The following TRAPPC9 variants were observed in gnomAD, a reference collection of about 807,000 sequenced individuals.
TRAPPC9 encodes trafficking protein particle complex subunit 9.
TRAPPC9 carries 83 observed loss-of-function variants against 124.0 expected under a neutral mutation model. The ratio of observed to expected loss-of-function variants is 0.67; its 90% CI spans 0.56 to 0.80. The LOEUF is 0.80. Ranked by LOEUF, TRAPPC9 falls within the 30% of genes least tolerant of loss-of-function variation. TRAPPC9 has a pLI of 0.00. For synonymous variants in TRAPPC9, 638 were observed against 617.5 expected, an observed-to-expected ratio of 1.03 and a Z score of -0.49; for missense variants, 1,302 against 1,508.3, an observed-to-expected ratio of 0.86 and a Z score of 2.27.
Position 140,308,654 on chromosome 8 carries a change from G to A in TRAPPC9, c.1622+2594C>T, listed in dbSNP as rs538965938. 2.6e-3 allele frequency among the ~76,000 whole-genome samples: 402 copies of A among 152,210 alleles called. 3 individuals carry two copies. Among genetic ancestry groups the A allele is most frequent in the Admixed American group, 4.1e-3 (63 of 15,290 alleles). On this transcript the variant is annotated intron_variant, in intron 10 of 22. Coordinates refer to ENST00000438773, the MANE Select transcript of TRAPPC9 (RefSeq NM_001160372.4). ...TCCCAACACTTTGGGAGGCTGAGGC[G>A]GGCGGATCACGAGGTCAGGAGTTCG... is the stretch of plus-strand genomic sequence containing the variant.
intron 21 of TRAPPC9, among the ~76,000 whole-genome samples, chr8:139,797,657 G>A (rs1021277364): frequency 1.3e-5 from 2 of 152,180 alleles, no homozygotes; most frequent in Non-Finnish European, 1.5e-5. Flanking sequence ...TTTCTCCTAA[G>A]AGTTTTATAG....
chr8:139,982,265 G>A (rs1265530455), intron 19 of TRAPPC9, among the ~76,000 whole-genome samples: 3 of 152,200 alleles, frequency 2.0e-5, no homozygotes, highest in East Asian at 1.9e-4. Flanking sequence ...TTCTGGGAAC[G>A]CAGCCTAGGG....
At chr8:140,357,982 A>G (rs2067805669) in intron 9 of TRAPPC9, among the ~76,000 whole-genome samples, 1 of 152,194 alleles carries the variant, frequency 6.6e-6, no homozygotes, top group African/African-American at 2.4e-5. Context: ...AGAAAACAAC[A>G]GCTACTCCAC....
chr8:140,164,342 T>C (rs1033858943), intron 17 of TRAPPC9, among the ~76,000 whole-genome samples: 9 of 152,238 alleles, frequency 5.9e-5, no homozygotes, highest in Admixed American at 1.3e-4. Flanking sequence ...CAAATCCACA[T>C]TGCCAAATTC....
At chr8:139,998,934 G>C (rs1170682877) in intron 18 of TRAPPC9, among the ~76,000 whole-genome samples, 1 of 152,070 alleles carries the variant, frequency 6.6e-6, no homozygotes, top group Non-Finnish European at 1.5e-5. Context: ...GAAAACCTAA[G>C]AGCACTTATT....
At chr8:139,846,303 A>AC (rs1412352699) in intron 21 of TRAPPC9, among the ~76,000 whole-genome samples, 1 of 151,376 alleles carries the variant, frequency 6.6e-6, no homozygotes. Flanking sequence ...TCCACCCCCC[A>AC]CCCCCCGCAG....
At chr8:140,066,881 T>G (rs963980066) in intron 17 of TRAPPC9, among the ~76,000 whole-genome samples, 1 of 152,204 alleles carries the variant, frequency 6.6e-6, no homozygotes. Flanking sequence ...CCTGCAGCAC[T>G]TGCAGGGGAG....
intron 15 of TRAPPC9, among the ~76,000 whole-genome samples, chr8:140,266,787 G>C: frequency 6.6e-6 from 1 of 151,944 alleles, no homozygotes; most frequent in East Asian, 1.9e-4. Flanking sequence ...GTGAACCCGG[G>C]AGGCGGAGCT....
Position 139,961,894 on chromosome 8 carries a change from G to A in TRAPPC9, c.2810+26832C>T, listed in dbSNP as rs1052420244. 1.9e-4 allele frequency among the ~76,000 whole-genome samples: 24 copies of A among 123,852 alleles called. 4 individuals carry two copies. Among genetic ancestry groups the A allele is most frequent in the African/African-American group, 4.6e-4 (18 of 39,124 alleles). 81.3% of individuals were successfully genotyped at this position (123,852 alleles called of 152,430 possible). On this transcript the variant is annotated intron_variant, in intron 19 of 22. Transcript: ENST00000438773. ...CAGAGGATAGCCAGAGGACAAACAG[G>A]GCAGAGAGATGACGGGATGACCAGC...
chr8:140,049,469 C>A (rs1040383380), intron 17 of TRAPPC9, among the ~76,000 whole-genome samples: 1 of 152,092 alleles, frequency 6.6e-6, no homozygotes, highest in Non-Finnish European at 1.5e-5. Context: ...ACACTGTGGA[C>A]ACTGCGGGAA....
At chr8:140,425,990 A>T (rs1002475783) in intron 5 of TRAPPC9, among the ~76,000 whole-genome samples, 1 of 152,252 alleles carries the variant, frequency 6.6e-6, no homozygotes, top group African/African-American at 2.4e-5. Flanking sequence ...CGAATGTGTT[A>T]GTCACAAAGG....
chr8:140,406,823 G>T (rs774494500), intron 5 of TRAPPC9, among the ~76,000 whole-genome samples: 27 of 152,196 alleles, frequency 1.8e-4, no homozygotes, highest in Non-Finnish European at 2.9e-4. Context: ...GAAAATCACA[G>T]CAAGAGACAA....
intron 17 of TRAPPC9, among the ~76,000 whole-genome samples, chr8:140,157,395 T>TCCC (rs1379578569): frequency 1.3e-5 from 2 of 151,998 alleles, no homozygotes; most frequent in African/African-American, 4.8e-5. Flanking sequence ...TTCAAAAGCC[T>TCCC]TCCTTCTCTT....
chr8:140,360,229 T>C (rs1457679274), intron 8 of TRAPPC9, 36 bp from the exon 9 acceptor site: 3 of 1,613,542 alleles, frequency 1.9e-6, no homozygotes, highest in African/African-American at 2.7e-5. Flanking sequence ...CAAAAGTGCT[T>C]GGAGAGGGTA....
At chr8:139,903,407 C>T (rs1831142986) in intron 20 of TRAPPC9, among the ~76,000 whole-genome samples, 1 of 152,142 alleles carries the variant, frequency 6.6e-6, no homozygotes, top group Non-Finnish European at 1.5e-5. Flanking sequence ...AGCCAAACTG[C>T]GCACCCAATT....
At chr8:140,253,118 T>C (rs1221358373) in intron 15 of TRAPPC9, among the ~76,000 whole-genome samples, 189 bp from the exon 16 acceptor site, 1 of 152,132 alleles carries the variant, frequency 6.6e-6, no homozygotes, top group Non-Finnish European at 1.5e-5. Context: ...CCCCTGTTTA[T>C]GAAGGAGGCA....
intron 9 of TRAPPC9, among the ~76,000 whole-genome samples, chr8:140,315,895 A>G (rs1249083464): frequency 6.6e-6 from 1 of 152,214 alleles, no homozygotes; most frequent in African/African-American, 2.4e-5. Context: ...AAACTCCTAT[A>G]ATTCTGATAT....
intron 6 of TRAPPC9, among the ~76,000 whole-genome samples, chr8:140,404,431 T>G (rs1009418445): frequency 6.6e-6 from 1 of 152,194 alleles, no homozygotes; most frequent in Non-Finnish European, 1.5e-5. Context: ...GTGCTGTTTA[T>G]GAGCATGTCT....
chr8:140,455,038 G>A (rs1008799761), intron 1 of TRAPPC9, among the ~76,000 whole-genome samples: 1 of 152,108 alleles, frequency 6.6e-6, no homozygotes, highest in Non-Finnish European at 1.5e-5. Flanking sequence ...CTTCAACTTG[G>A]TAGTTCCTCC....
Sources: allele counts gnomAD v4.1 joint callset (sites outside exome capture counted in the v4.1 genomes callset), GRCh38; gene constraint gnomAD v4.1.1; transcripts MANE v1.5; gene names NCBI Gene and HGNC (gene_info 2026-07-23, HGNC 2026-07-21).